Variants in MACROD2 observed in about 807,000 individuals in gnomAD.
The protein encoded by MACROD2 is ADP-ribose glycohydrolase MACROD2.
In MACROD2, 36 loss-of-function variants were observed where a neutral mutation model predicts 70.4. That is an observed-to-expected ratio of 0.51 (90% CI 0.39 to 0.68). The LOEUF (loss-of-function observed/expected upper bound fraction) is 0.68, where lower values mean the gene tolerates loss of function less well. Ranked by LOEUF, MACROD2 falls within the 30% of genes least tolerant of loss-of-function variation. The pLI, the probability that MACROD2 is intolerant of heterozygous loss-of-function variation, is 0.00. For synonymous variants in MACROD2, 172 were observed against 178.8 expected (o/e 0.96, Z 0.30); for missense variants, 496 against 538.4 (o/e 0.92, Z 0.78).
rs762538763 is a variant in MACROD2 at position 15,254,929 on chromosome 20, C to CTT, written c.540+24892_540+24893dup. 3.2e-3 allele frequency among the ~76,000 whole-genome samples: 258 copies of CTT among 80,518 alleles called. 6 individuals carry two copies. Among genetic ancestry groups the CTT allele is most frequent in the East Asian group, 9.3e-3 (24 of 2,592 alleles). 52.8% of individuals were successfully genotyped at this position (80,518 alleles called of 152,430 possible). A position where few individuals can be genotyped will look rare whatever the true frequency, so the allele number is the denominator to read the frequency against. ...TAAACCATTTGGGGCCAAAGCACAC[C>CTT]TTTTTTTTTTTTTTTTTTTTTTTTT... is the stretch of plus-strand genomic sequence containing the variant. On this transcript the variant is annotated intron_variant, in intron 6 of 17. Transcript: ENST00000684519.
intron 7 of MACROD2, among the ~76,000 whole-genome samples, chr20:15,484,282 C>T (rs148672996): frequency 4.6e-4 from 70 of 152,012 alleles, no homozygotes; most frequent in East Asian, 2.5e-3. Flanking sequence ...AAAAAAAGAA[C>T]GACAATAAAT....
chr20:14,562,922 G>T (rs1979536729), intron 4 of MACROD2, among the ~76,000 whole-genome samples: 1 of 151,748 alleles, frequency 6.6e-6, no homozygotes, highest in South Asian at 2.1e-4. Flanking sequence ...TGCTTAGTAT[G>T]AACTTATGGA....
At chr20:15,945,465 T>A (rs2065809204) in intron 12 of MACROD2, among the ~76,000 whole-genome samples, 1 of 152,246 alleles carries the variant, frequency 6.6e-6, no homozygotes, top group Admixed American at 6.5e-5. Context: ...ACATAGACTA[T>A]GCTGCAATAG....
chr20:14,020,663 T>G (rs374708019), intron 2 of MACROD2, among the ~76,000 whole-genome samples: 2 of 152,174 alleles, frequency 1.3e-5, no homozygotes, highest in South Asian at 4.1e-4. Context: ...TTTTATTTAT[T>G]GATTGATTGA....
At chr20:15,083,655 G>C (rs368225545) in intron 5 of MACROD2, among the ~76,000 whole-genome samples, 5 of 151,622 alleles carry the variant, frequency 3.3e-5, no homozygotes, top group East Asian at 3.9e-4. Context: ...AAATGTAATG[G>C]TTGGTATTAG....
intron 3 of MACROD2, among the ~76,000 whole-genome samples, chr20:14,491,077 A>G (rs1301994506): frequency 1.3e-5 from 2 of 152,180 alleles, no homozygotes; most frequent in African/African-American, 4.8e-5. Context: ...GACACACAAA[A>G]GTCATTTCAC....
intron 5 of MACROD2, chr20:15,196,994 T>C: frequency 1.0e-6 from 1 of 985,412 alleles, no homozygotes; most frequent in Non-Finnish European, 1.2e-6. Context: ...TTTTGGAAAC[T>C]CAACACTCAG....
At chr20:15,487,630 C>T (rs564911091) in intron 7 of MACROD2, among the ~76,000 whole-genome samples, 38 of 152,222 alleles carry the variant, frequency 2.5e-4, no homozygotes, top group South Asian at 1.2e-3. Flanking sequence ...GTGCTACCAG[C>T]GGATGAAGTC....
intron 8 of MACROD2, among the ~76,000 whole-genome samples, chr20:15,651,390 G>A (rs1007270524): frequency 3.9e-5 from 6 of 152,070 alleles, no homozygotes; most frequent in African/African-American, 1.4e-4. Context: ...ATAATTAATC[G>A]GGAATGAGAG....
intron 4 of MACROD2, among the ~76,000 whole-genome samples, chr20:14,637,685 G>T (rs551284452): frequency 8.5e-4 from 130 of 152,248 alleles, no homozygotes; most frequent in Middle Eastern, 3.4e-3. Context: ...CCAGGTGGTT[G>T]CTGTCACATT....
chr20:15,264,671 G>A (rs2077277107), intron 6 of MACROD2, among the ~76,000 whole-genome samples: 1 of 152,144 alleles, frequency 6.6e-6, no homozygotes, highest in South Asian at 2.1e-4. Flanking sequence ...AGAAGAATAG[G>A]TGAAAAGTCT....
chr20:14,127,871 T>C (rs889804234), intron 3 of MACROD2: 7 of 487,008 alleles, frequency 1.4e-5, no homozygotes, highest in Non-Finnish European at 2.9e-5. Context: ...CAATAAATGT[T>C]TCCCAACTAG....
intron 3 of MACROD2, among the ~76,000 whole-genome samples, chr20:14,230,839 C>T (rs4813154): frequency 6.6e-6 from 1 of 150,922 alleles, no homozygotes; most frequent in South Asian, 2.1e-4. Context: ...GTATTTCTTA[C>T]AAGAAGGCTT....
chr20:14,071,680 G>C (rs1478921890), intron 2 of MACROD2, among the ~76,000 whole-genome samples: 2 of 152,188 alleles, frequency 1.3e-5, no homozygotes, highest in Non-Finnish European at 2.9e-5. Context: ...AGGATTACAT[G>C]ATATCTCTAC....
intron 10 of MACROD2, among the ~76,000 whole-genome samples, chr20:15,915,492 T>C (rs2065301235): frequency 6.6e-6 from 1 of 152,218 alleles, no homozygotes; most frequent in South Asian, 2.1e-4. Context: ...TCTCAATAAA[T>C]GGAAAATAAA....
intron 9 of MACROD2, among the ~76,000 whole-genome samples, chr20:15,883,971 T>C (rs1279030543): frequency 1.3e-5 from 2 of 152,130 alleles, no homozygotes; most frequent in African/African-American, 4.8e-5. Flanking sequence ...CACTTAACAA[T>C]GTTTCAGTAG....
intron 8 of MACROD2, among the ~76,000 whole-genome samples, chr20:15,617,369 G>A (rs1370606356): frequency 6.6e-6 from 1 of 152,088 alleles, no homozygotes; most frequent in Non-Finnish European, 1.5e-5. Flanking sequence ...TAGCCAAGGA[G>A]GATTTATAGT....
In MACROD2 at chr20:13,995,716, G is replaced by C. The variant is rs375766434; in HGVS notation, c.-48G>C. 5 of 979,080 alleles carry C rather than the reference G, an allele frequency of 5.1e-6. No homozygotes were observed. Among genetic ancestry groups the C allele is most frequent in the Non-Finnish European group, 6.0e-6 (4 of 671,932 alleles). 60.6% of individuals were successfully genotyped at this position (979,080 alleles called of 1,614,324 possible). On this transcript the variant is annotated 5_prime_UTR_variant, in exon 1 of 18. Coordinates refer to ENST00000684519, the MANE Select transcript of MACROD2 (RefSeq NM_001351661.2). The surrounding 1 kb of genome is among the most constrained non-coding windows in gnomAD (Gnocchi z 4.3). ...CACTCCACACACACCCTGTTTGCCCGTGAGCCTGGGGAACTTGCAGCTTAA... is the reference window on the plus strand; with the variant it reads ...CACTCCACACACACCCTGTTTGCCCCTGAGCCTGGGGAACTTGCAGCTTAA...
In MACROD2 at chr20:14,292,632, T is replaced by TTTTTG. The variant is rs1186893687; in HGVS notation, c.272-200831_272-200827dup. Reference sequence around the variant, plus strand: ...TAAAAGCTCATTCATTCATTCATGCTTTTTGTTTTGTTTTGTTTTGAGATG... The same window carrying TTTTTG: ...TAAAAGCTCATTCATTCATTCATGCTTTTTGTTTTGTTTTGTTTTGTTTTGAGATG... On this transcript the variant is annotated intron_variant, in intron 3 of 17. Coordinates refer to ENST00000684519, the MANE Select transcript of MACROD2 (RefSeq NM_001351661.2). 1.1e-4 allele frequency among the ~76,000 whole-genome samples: 16 copies of TTTTTG among 151,886 alleles called. No individual in the cohort carries two copies. The East Asian group carries it at 1.2e-3, about 11-fold the overall frequency.
Sources: gnomAD v4.1 joint callset for allele counts (sites outside exome capture counted in the v4.1 genomes callset) on GRCh38, gnomAD v4.1.1 for gene constraint, Gnocchi (gnomAD v3.1) non-coding constraint, MANE v1.5 for transcripts, NCBI Gene and HGNC (gene_info 2026-07-23, HGNC 2026-07-21) for gene names.